GATAD2B: variants seen among roughly 807,000 people sequenced by gnomAD.
GATAD2B encodes GATA zinc finger domain containing 2B.
GATAD2B carries 8 observed loss-of-function variants against 64.3 expected under a neutral mutation model. The ratio of observed to expected loss-of-function variants is 0.12; its 90% confidence interval spans 0.07 to 0.22. The LOEUF (loss-of-function observed/expected upper bound fraction) is 0.22, where lower values mean the gene tolerates loss of function less well. GATAD2B is among the 10% of genes least tolerant of loss of function. The probability of loss-of-function intolerance (pLI) is 1.00; values close to 1 mark genes in which losing one functional copy is unlikely to be tolerated. For missense variants in GATAD2B, 453 were observed against 752.0 expected (o/e 0.60, Z 4.65); for synonymous variants, 281 against 271.3 (o/e 1.04, Z -0.35).
chr1:153,850,800 A>C (rs942695220), intron 1 of GATAD2B, among the ~76,000 whole-genome samples: 1 of 151,948 alleles, frequency 6.6e-6, no homozygotes, highest in African/African-American at 2.4e-5. Flanking sequence ...GTGCGCCTAT[A>C]ATCTCAGCTA....
At chr1:153,868,510 GTTCT>G (rs1391444273) in intron 1 of GATAD2B, among the ~76,000 whole-genome samples, 1 of 151,848 alleles carries the variant, frequency 6.6e-6, no homozygotes, top group Non-Finnish European at 1.5e-5. Flanking sequence ...GAAGGTAGGA[GTTCT>G]TTTTTAAAAA....
intron 1 of GATAD2B, among the ~76,000 whole-genome samples, chr1:153,856,411 A>G (rs1262682898): frequency 6.6e-6 from 1 of 152,208 alleles, no homozygotes; most frequent in East Asian, 1.9e-4. Context: ...TATGCTATAT[A>G]TCAACAGCAT....
At chr1:153,847,245 G>C (rs957166117) in intron 1 of GATAD2B, among the ~76,000 whole-genome samples, 1 of 152,180 alleles carries the variant, frequency 6.6e-6, no homozygotes, top group African/African-American at 2.4e-5. Context: ...GGGATTACAG[G>C]TCTGACCTAC....
chr1:153,876,672 T>C (rs539294938), intron 1 of GATAD2B, among the ~76,000 whole-genome samples: 2 of 152,336 alleles, frequency 1.3e-5, no homozygotes, highest in South Asian at 2.1e-4. Context: ...AGTTCTGACA[T>C]ACACGAAAGC....
chr1:153,875,526 T>G (rs921028882), intron 1 of GATAD2B, among the ~76,000 whole-genome samples: 13 of 152,078 alleles, frequency 8.5e-5, no homozygotes, highest in Non-Finnish European at 1.8e-4. Context: ...GATAATAACA[T>G]TTTAGACTTT....
At chr1:153,821,118 A>AC (rs1463620775) in intron 2 of GATAD2B, among the ~76,000 whole-genome samples, 1 of 150,584 alleles carries the variant, frequency 6.6e-6, no homozygotes, top group East Asian at 2.0e-4. Flanking sequence ...AGTAGCTGGG[A>AC]CTACAGGTGC....
At chr1:153,826,759 G>A (rs1674892410) in intron 2 of GATAD2B, among the ~76,000 whole-genome samples, 1 of 151,898 alleles carries the variant, frequency 6.6e-6, no homozygotes, top group African/African-American at 2.4e-5. Flanking sequence ...GGGCAACATA[G>A]TGAGACTCTG....
At chr1:153,839,127 A>AAAAAAAAAAAAAAAAAAAAAAAAAAT (rs1457029704) in intron 1 of GATAD2B, among the ~76,000 whole-genome samples, 1 of 150,816 alleles carries the variant, frequency 6.6e-6, no homozygotes, top group Non-Finnish European at 1.5e-5. Context: ...AAAAAAAAAA[A>AAAAAAAAAAAAAAAAAAAAAAAAAAT]AAAAAAAGAA....
chr1:153,824,444 T>C (rs779839659), intron 2 of GATAD2B, among the ~76,000 whole-genome samples: 14 of 151,912 alleles, frequency 9.2e-5, no homozygotes, highest in Non-Finnish European at 2.1e-4. Flanking sequence ...CTGGCCAACA[T>C]GGCGAAACCC....
At position 153,897,186 on chromosome 1, in the gene GATAD2B, C is replaced by T. The variant is rs1677624421; in HGVS notation, c.-2+25547G>A. The stretch of plus-strand genomic sequence containing the variant: ...CTGGGATTACAGGTGCCCGCCACCT[C>T]ACCCAGCTAATTTTTTGTATTTTTA... On this transcript the variant is annotated intron_variant, in intron 1 of 10. Coordinates refer to ENST00000368655, the MANE Select transcript of GATAD2B (RefSeq NM_020699.4). Among the ~76,000 whole-genome samples, 3 of 152,044 alleles carry T rather than the reference C, an allele frequency of 2.0e-5. No individual in the cohort carries two copies. In the South Asian group the frequency reaches 6.2e-4, roughly 31 times the overall value.
At chr1:153,853,234 CA>C (rs1675967949) in intron 1 of GATAD2B, 1 of 1,095,018 alleles carries the variant, frequency 9.1e-7, no homozygotes, top group Non-Finnish European at 1.4e-6. Context: ...TGGTCATGGC[CA>C]CCGAGGTGAT....
intron 1 of GATAD2B, chr1:153,898,708 C>G (rs1677678450): frequency 6.6e-6 from 1 of 152,238 alleles, no homozygotes; most frequent in Non-Finnish European, 1.5e-5. Context: ...GTTCTAAATT[C>G]ATTGAACAAA....
intron 1 of GATAD2B, among the ~76,000 whole-genome samples, chr1:153,920,417 T>A (rs539784239): frequency 5.8e-4 from 89 of 152,222 alleles, no homozygotes; most frequent in African/African-American, 2.1e-3. Flanking sequence ...CAGAACAAAT[T>A]CCTCACACTT....
At chr1:153,897,414 C>G (rs970507947) in intron 1 of GATAD2B, among the ~76,000 whole-genome samples, 3 of 152,106 alleles carry the variant, frequency 2.0e-5, no homozygotes, top group African/African-American at 4.8e-5. Context: ...TCTGTTTCTT[C>G]TAATACGATG....
chr1:153,811,164 G>T (rs1301581306), intron 10 of GATAD2B, among the ~76,000 whole-genome samples: 2 of 152,180 alleles, frequency 1.3e-5, no homozygotes, highest in African/African-American at 2.4e-5. Flanking sequence ...GCCTCTCAAA[G>T]TGCTGGGATT....
In GATAD2B at chr1:153,836,560, T is replaced by TA. The variant is rs944993342; in HGVS notation, c.-1-8213dup. 3.7e-3 allele frequency among the ~76,000 whole-genome samples: 128 copies of TA among 34,144 alleles called. 1 individual carries two copies. Among genetic ancestry groups the TA allele is most frequent in the Admixed American group, 9.1e-3 (24 of 2,626 alleles). The allele number at this position is 34,144 out of a possible 152,430, so 22.4% of individuals were successfully genotyped here. ...GCCACTGCACCCAGCCTAAAAAAGT[T>TA]AAAAAAAAAAGGCATGGTGACTGAA... is the stretch of plus-strand genomic sequence containing the variant. On this transcript the variant is annotated intron_variant, in intron 1 of 10. Coordinates refer to ENST00000368655, the MANE Select transcript of GATAD2B (RefSeq NM_020699.4).
intron 1 of GATAD2B, among the ~76,000 whole-genome samples, chr1:153,899,937 TC>T (rs1175580414): frequency 7.2e-5 from 11 of 152,166 alleles, no homozygotes; most frequent in Non-Finnish European, 1.2e-4. Flanking sequence ...TGTGTAAAGA[TC>T]TATGTAAGAT....
At chr1:153,822,221 T>C (rs4596938) in intron 2 of GATAD2B, among the ~76,000 whole-genome samples, 62,261 of 151,826 alleles carry the variant, frequency 0.41, 13,882 homozygotes, top group Non-Finnish European at 0.52. Context: ...CACCGGTAAT[T>C]TTGGAATCTG....
At chr1:153,869,055 G>A (rs972543919) in intron 1 of GATAD2B, among the ~76,000 whole-genome samples, 4 of 152,152 alleles carry the variant, frequency 2.6e-5, no homozygotes, top group Admixed American at 6.5e-5. Flanking sequence ...CACTTTGGGA[G>A]GTCAAGGCAG....
Sources: allele counts gnomAD v4.1 joint callset (sites outside exome capture counted in the v4.1 genomes callset), GRCh38; gene constraint gnomAD v4.1.1; transcripts MANE v1.5; gene names NCBI Gene and HGNC (gene_info 2026-07-23, HGNC 2026-07-21).